CSMD1: variants seen among roughly 807,000 people sequenced by gnomAD.
The protein encoded by CSMD1 is CUB and sushi domain-containing protein 1.
Under a neutral mutation model 417.5 loss-of-function variants are expected in CSMD1, and 213 were observed. The ratio of observed to expected loss-of-function variants is 0.51; its 90% CI spans 0.46 to 0.57. CSMD1 has a LOEUF of 0.57. Ranked by LOEUF, CSMD1 falls within the 20% of genes least tolerant of loss-of-function variation. CSMD1 has a pLI of 0.00. For synonymous variants in CSMD1, 2,862 were observed against 1,736.8 expected (o/e 1.65, Z -16.11); for missense variants, 6,923 against 4,529.7 (o/e 1.53, Z -15.17).
chr8:3,446,446 T>C (rs1815314976), intron 12 of CSMD1, among the ~76,000 whole-genome samples: 1 of 152,228 alleles, frequency 6.6e-6, no homozygotes, highest in African/African-American at 2.4e-5. Context: ...TCAGTTATGA[T>C]TCCTACTTTG....
At chr8:4,648,891 G>A (rs927215867) in intron 1 of CSMD1, among the ~76,000 whole-genome samples, 1 of 152,192 alleles carries the variant, frequency 6.6e-6, no homozygotes, top group African/African-American at 2.4e-5. Flanking sequence ...AAGGATAAGA[G>A]TGTGCTTCCG....
At chr8:4,374,128 C>T (rs1031694363) in intron 3 of CSMD1, among the ~76,000 whole-genome samples, 10 of 152,040 alleles carry the variant, frequency 6.6e-5, no homozygotes, top group African/African-American at 2.4e-4. Flanking sequence ...TTTTATTGAC[C>T]CATCAGCTGG....
Position 4,413,659 on chromosome 8 carries a change from T to C in CSMD1, c.415+6294A>G, listed in dbSNP as rs767227720. On this transcript the variant is annotated intron_variant, in intron 3 of 69. Transcript: ENST00000635120. The stretch of plus-strand genomic sequence containing the variant: ...GCACTGTTGACTATACACGCAATGG[T>C]GTACCGCGGATCCCAAGAACTTACC... 2.1e-4 allele frequency among the ~76,000 whole-genome samples: 32 copies of C among 152,162 alleles called. 1 individual carries two copies. Among genetic ancestry groups the C allele is most frequent in the Admixed American group, 2.6e-4 (4 of 15,262 alleles).
At chr8:3,419,134 T>G (rs1813331833) in intron 12 of CSMD1, among the ~76,000 whole-genome samples, 1 of 152,200 alleles carries the variant, frequency 6.6e-6, no homozygotes, top group South Asian at 2.1e-4. Context: ...TGACGCAAGC[T>G]GCGCTGTTCT....
intron 9 of CSMD1, among the ~76,000 whole-genome samples, chr8:3,577,314 C>T (rs569291224): frequency 6.6e-6 from 1 of 152,252 alleles, no homozygotes; most frequent in Admixed American, 6.5e-5. Context: ...ATTTTCAGGC[C>T]TATGAAGTAC....
chr8:2,990,704 G>A (rs993543859), intron 54 of CSMD1, among the ~76,000 whole-genome samples: 3 of 152,144 alleles, frequency 2.0e-5, no homozygotes, highest in Non-Finnish European at 4.4e-5. Flanking sequence ...TGAGAACAAA[G>A]TAACTTTGAG....
At chr8:2,965,126 C>G (rs1375466810) in intron 59 of CSMD1, among the ~76,000 whole-genome samples, 1 of 152,188 alleles carries the variant, frequency 6.6e-6, no homozygotes, top group Non-Finnish European at 1.5e-5. Flanking sequence ...CCACGCAAAT[C>G]CCTGGCCCTT....
chr8:2,947,254 C>T (rs1802308533), intron 68 of CSMD1, among the ~76,000 whole-genome samples: 1 of 152,110 alleles, frequency 6.6e-6, no homozygotes, highest in Non-Finnish European at 1.5e-5. Flanking sequence ...TTAAATTTGT[C>T]TTTCAAATTA....
chr8:4,507,751 G>T (rs1802602198), intron 2 of CSMD1, among the ~76,000 whole-genome samples: 1 of 152,186 alleles, frequency 6.6e-6, no homozygotes, highest in Non-Finnish European at 1.5e-5. Context: ...TTTATCTAAA[G>T]ACATCTTGAT....
chr8:4,236,722 TG>T (rs1172318606), intron 3 of CSMD1, among the ~76,000 whole-genome samples: 1 of 152,202 alleles, frequency 6.6e-6, no homozygotes, highest in African/African-American at 2.4e-5. Flanking sequence ...CAATAATCAC[TG>T]TGCCTTCGAA....
At chr8:4,798,114 T>A (rs1330969084) in intron 1 of CSMD1, among the ~76,000 whole-genome samples, 1 of 152,224 alleles carries the variant, frequency 6.6e-6, no homozygotes, top group Non-Finnish European at 1.5e-5. Context: ...CTGTACCCAA[T>A]AACTCATCAT....
intron 1 of CSMD1, among the ~76,000 whole-genome samples, chr8:4,761,113 T>C (rs1177723031): frequency 6.6e-6 from 1 of 152,000 alleles, no homozygotes; most frequent in Non-Finnish European, 1.5e-5. Flanking sequence ...ATGTATTCAG[T>C]GAATATGCAA....
At chr8:4,672,713 C>T (rs886833682) in intron 1 of CSMD1, among the ~76,000 whole-genome samples, 3 of 152,146 alleles carry the variant, frequency 2.0e-5, no homozygotes, top group Non-Finnish European at 4.4e-5. Flanking sequence ...CACACATGCA[C>T]ACATGGTGAC....
chr8:3,502,694 G>A (rs910669183), intron 10 of CSMD1, among the ~76,000 whole-genome samples: 1 of 152,200 alleles, frequency 6.6e-6, no homozygotes, highest in Non-Finnish European at 1.5e-5. Flanking sequence ...ATTAGTGATT[G>A]TTAGGGGTTA....
intron 25 of CSMD1, among the ~76,000 whole-genome samples, chr8:3,286,739 G>C (rs1257063045): frequency 6.6e-6 from 1 of 152,036 alleles, no homozygotes; most frequent in African/African-American, 2.4e-5. Flanking sequence ...TGTCAGATGA[G>C]TAGATTGCAA....
intron 2 of CSMD1, among the ~76,000 whole-genome samples, chr8:4,598,915 T>G (rs1316846785): frequency 2.6e-5 from 4 of 152,144 alleles, no homozygotes; most frequent in African/African-American, 9.7e-5. Context: ...AGTGAAGATC[T>G]TCAAAAAAAC....
At chr8:3,193,799 G>C (rs1001190230) in intron 33 of CSMD1, among the ~76,000 whole-genome samples, 1 of 152,154 alleles carries the variant, frequency 6.6e-6, no homozygotes, top group Non-Finnish European at 1.5e-5. Context: ...CAGCGCAAAT[G>C]TGTGCTCATC....
chr8:3,370,922 G>C (rs966345661), intron 18 of CSMD1, among the ~76,000 whole-genome samples: 3 of 152,024 alleles, frequency 2.0e-5, no homozygotes, highest in African/African-American at 7.2e-5. Context: ...GTTGCAGTGA[G>C]CTGAGATCAC....
intron 5 of CSMD1, among the ~76,000 whole-genome samples, chr8:3,788,622 C>G (rs912709171): frequency 8.5e-5 from 13 of 152,154 alleles, no homozygotes; most frequent in African/African-American, 2.2e-4. Context: ...TTTAGTTCAT[C>G]TACATTTTAC....
Sources: allele counts gnomAD v4.1 joint callset (sites outside exome capture counted in the v4.1 genomes callset), GRCh38; gene constraint gnomAD v4.1.1; transcripts MANE v1.5; gene names NCBI Gene and HGNC (gene_info 2026-07-23, HGNC 2026-07-21).